The following PLB1 variants were observed in gnomAD, a reference collection of about 807,000 sequenced individuals.
PLB1 encodes the protein phospholipase B1, membrane-associated.
PLB1 carries 242 observed loss-of-function variants against 227.4 expected under a neutral mutation model. That is an observed-to-expected ratio of 1.06 (90% CI 0.96 to 1.18). The LOEUF is 1.18. PLB1 is among the 50% of genes most tolerant of loss of function. The pLI is 0.00. For synonymous variants in PLB1, 757 were observed against 682.2 expected, an observed-to-expected ratio of 1.11 and a Z score of -1.71; for missense variants, 1,858 against 1,816.3, an observed-to-expected ratio of 1.02 and a Z score of -0.42.
chr2:28,631,456 G>T (rs961960316), intron 54 of PLB1, among the ~76,000 whole-genome samples: 2 of 152,180 alleles, frequency 1.3e-5, no homozygotes, highest in East Asian at 3.9e-4. Context: ...GCCCCAAAGG[G>T]TTCTCATGTT....
intron 1 of PLB1, among the ~76,000 whole-genome samples, chr2:28,512,821 A>G (rs1338891445): frequency 2.0e-5 from 3 of 151,946 alleles, no homozygotes; most frequent in East Asian, 3.9e-4. Context: ...CTTGCTGTGT[A>G]TGCAGGTTAG....
chr2:28,582,477 A>C lies in PLB1; in HGVS notation c.1705A>C (p.Lys569Gln). Residue 569 changes from lysine to glutamine, a missense_variant, in exon 25 of 58, where the codon AAA becomes CAA. Transcript: ENST00000327757. ...VNLRELYQEK[K>Q]VYCPRMILRS... The stretch of plus-strand genomic sequence containing the variant: ...CCTGAGGGAGCTGTACCAGGAGAAA[A>C]AAGTCTACTGCCCAAGGATGATCCT... The C allele has an allele frequency of 6.2e-7, 1 of 1,611,494 alleles. No homozygotes were observed. Among genetic ancestry groups the C allele is most frequent in the Non-Finnish European group, 8.5e-7 (1 of 1,178,706 alleles).
At chr2:28,601,793 G>C in intron 37 of PLB1, 106 bp from the exon 38 acceptor site, 1 of 943,902 alleles carries the variant, frequency 1.1e-6, no homozygotes, top group Non-Finnish European at 1.7e-6. Context: ...GAGGCTAGAG[G>C]GGGAACAAGT....
chr2:28,572,955 G>A (rs1365206056), intron 20 of PLB1, among the ~76,000 whole-genome samples: 1 of 152,090 alleles, frequency 6.6e-6, no homozygotes, highest in Non-Finnish European at 1.5e-5. Context: ...AAAAATACAT[G>A]AAAAAAGCCT....
At chr2:28,621,234 G>T (rs1181834028) in intron 49 of PLB1, among the ~76,000 whole-genome samples, 1 of 152,134 alleles carries the variant, frequency 6.6e-6, no homozygotes, top group African/African-American at 2.4e-5. Context: ...GCCTGAATCA[G>T]GAGCCTTTGC....
chr2:28,550,529 T>TC (rs1457922314), intron 16 of PLB1, among the ~76,000 whole-genome samples: 1 of 149,702 alleles, frequency 6.7e-6, no homozygotes, highest in Non-Finnish European at 1.5e-5. Flanking sequence ...AATACAATTT[T>TC]TTTTTTTTTT....
chr2:28,527,798 C>A (rs115359540), intron 6 of PLB1, among the ~76,000 whole-genome samples: 192 of 152,326 alleles, frequency 1.3e-3, no homozygotes, highest in Non-Finnish European at 1.8e-3. Flanking sequence ...AAAGATCCAA[C>A]GTCATGTTTG....
chr2:28,582,779 G>C (rs1680262958), intron 25 of PLB1, among the ~76,000 whole-genome samples: 1 of 152,154 alleles, frequency 6.6e-6, no homozygotes, highest in Admixed American at 6.5e-5. Flanking sequence ...GGCCTCCAGA[G>C]GGAAGAGTAA....
intron 4 of PLB1, among the ~76,000 whole-genome samples, chr2:28,523,391 A>G (rs1165511584): frequency 7.2e-6 from 1 of 138,644 alleles, no homozygotes; most frequent in Non-Finnish European, 1.5e-5. Context: ...TTTCCTTGCC[A>G]AGGAGGTTAC....
rs1356010191 is a variant in PLB1, at chr2:28,504,208, A to C, written c.55+8039A>C. Among the ~76,000 whole-genome samples, 3 of 151,998 alleles carry C rather than the reference A, an allele frequency of 2.0e-5. No homozygotes were observed. The East Asian group carries it at 5.8e-4, about 29-fold the overall frequency. On this transcript the variant is annotated intron_variant, in intron 1 of 57. Transcript: ENST00000327757. Reference sequence around the variant, plus strand: ...ACCATGTCTCTTCACCTCTCTACCAACTTTACCATCTTCTTGTCTTTCTAC... The same window carrying C: ...ACCATGTCTCTTCACCTCTCTACCACCTTTACCATCTTCTTGTCTTTCTAC...
At chr2:28,557,122 C>G (rs1675264199) in intron 17 of PLB1, among the ~76,000 whole-genome samples, 1 of 152,146 alleles carries the variant, frequency 6.6e-6, no homozygotes, top group Non-Finnish European at 1.5e-5. Context: ...GCCTGCTTGT[C>G]CCTGGACACA....
intron 12 of PLB1, 80 bp from the exon 13 acceptor site, chr2:28,541,627 G>C: frequency 9.5e-7 from 1 of 1,049,680 alleles, no homozygotes; most frequent in Non-Finnish European, 1.4e-6. Flanking sequence ...CAGGGCTGCC[G>C]AGAATGATTT....
intron 44 of PLB1, among the ~76,000 whole-genome samples, chr2:28,615,384 C>T (rs1475789478): frequency 6.6e-6 from 1 of 152,176 alleles, no homozygotes; most frequent in Non-Finnish European, 1.5e-5. Flanking sequence ...TGATCTGGTT[C>T]ACGTCTTTCA....
Position 28,582,386 on chromosome 2 carries a change from T to G in PLB1, c.1633-19T>G, listed in dbSNP as rs925263320. On this transcript the variant is annotated intron_variant, in intron 24 of 57. Coordinates refer to ENST00000327757, the MANE Select transcript of PLB1 (RefSeq NM_153021.5). ...TGCCCAGCCTCATCCTCTTGGTGACTGAGTTTGCCTTTTCTCAGGTTCCTC... is the reference window on the plus strand; with the variant it reads ...TGCCCAGCCTCATCCTCTTGGTGACGGAGTTTGCCTTTTCTCAGGTTCCTC... The G allele has an allele frequency of 5.9e-5, 94 of 1,604,248 alleles. No individual in the cohort carries two copies. The highest frequency in any genetic ancestry group is 6.7e-5 in the Non-Finnish European group (78 of 1,172,800).
At chr2:28,548,601 A>ATATAT (rs1553419154) in intron 14 of PLB1, 5 of 539,192 alleles carry the variant, frequency 9.3e-6, no homozygotes, top group Non-Finnish European at 1.1e-5. Flanking sequence ...ATATATATAT[A>ATATAT]AAACCGATGC....
intron 22 of PLB1, 114 bp from the exon 23 acceptor site, chr2:28,579,513 C>T (rs1468937844): frequency 1.3e-6 from 1 of 756,198 alleles, no homozygotes; most frequent in Non-Finnish European, 2.3e-6. Context: ...TTCAGAAGTC[C>T]ATGAGACACT....
chr2:28,525,897 A>G lies in PLB1; in HGVS notation c.285-8A>G, dbSNP rs775645894. The G allele has an allele frequency of 2.5e-6, 4 of 1,614,022 alleles. No homozygotes were observed. ...GCCTGACACTCACATGCCTGCTTCTACCTGCAGGACTGAAAGGCCACAGCA... is the reference window on the plus strand; with the variant it reads ...GCCTGACACTCACATGCCTGCTTCTGCCTGCAGGACTGAAAGGCCACAGCA... On this transcript the variant is annotated splice_region_variant and splice_polypyrimidine_tract_variant and intron_variant, in intron 5 of 57. Coordinates refer to ENST00000327757, the MANE Select transcript of PLB1 (RefSeq NM_153021.5).
chr2:28,551,687 A>G (rs1674285637), intron 16 of PLB1, among the ~76,000 whole-genome samples: 1 of 152,226 alleles, frequency 6.6e-6, no homozygotes, highest in African/African-American at 2.4e-5. Flanking sequence ...AATGAGCAAG[A>G]TACTTAACCT....
intron 4 of PLB1, among the ~76,000 whole-genome samples, chr2:28,522,678 C>A (rs1391813147): frequency 6.6e-6 from 1 of 152,148 alleles, no homozygotes; most frequent in African/African-American, 2.4e-5. Flanking sequence ...AGCTCTTTGT[C>A]CATGAATTAT....
Sources: allele counts gnomAD v4.1 joint callset (sites outside exome capture counted in the v4.1 genomes callset), GRCh38; gene constraint gnomAD v4.1.1; transcripts MANE v1.5; gene names NCBI Gene and HGNC (gene_info 2026-07-23, HGNC 2026-07-21).